The following MSRA variants were observed in gnomAD, a reference collection of about 807,000 sequenced individuals.
The protein encoded by MSRA is methionine sulfoxide reductase A.
MSRA carries 54 observed loss-of-function variants against 31.3 expected under a neutral mutation model. That is an observed-to-expected ratio of 1.73 (90% CI 1.39 to 2.17). MSRA has a LOEUF of 2.17. MSRA is among the 30% of genes most tolerant of loss of function. The pLI, the probability that MSRA is intolerant of heterozygous loss-of-function variation, is 0.00. For missense variants in MSRA, 507 were observed against 300.9 expected (o/e 1.69, Z -5.07); for synonymous variants, 169 against 116.5 (o/e 1.45, Z -2.90).
intron 5 of MSRA, among the ~76,000 whole-genome samples, chr8:10,331,502 G>A (rs991542129): frequency 6.6e-6 from 1 of 152,162 alleles, no homozygotes; most frequent in Non-Finnish European, 1.5e-5. Context: ...TTGCCTATGA[G>A]GAAACTGAAG....
chr8:10,147,092 A>C (rs1354700849), intron 1 of MSRA, among the ~76,000 whole-genome samples: 1 of 152,090 alleles, frequency 6.6e-6, no homozygotes, highest in African/African-American at 2.4e-5. Flanking sequence ...TCAGGTGACA[A>C]ATGTAAGGGA....
intron 3 of MSRA, among the ~76,000 whole-genome samples, chr8:10,278,351 A>T (rs971849961): frequency 3.3e-5 from 5 of 152,236 alleles, no homozygotes; most frequent in African/African-American, 1.2e-4. Flanking sequence ...CTGCCATCAC[A>T]AGTAGATCCA....
rs151254657 is a variant in MSRA at position 10,392,601 on chromosome 8, C to T, written c.544-35547C>T. Among the ~76,000 whole-genome samples, 22 of 152,084 alleles carry T rather than the reference C, an allele frequency of 1.4e-4. 1 individual carries two copies. Among genetic ancestry groups the T allele is most frequent in the African/African-American group, 3.4e-4 (14 of 41,476 alleles). On this transcript the variant is annotated intron_variant, in intron 5 of 5. Transcript: ENST00000317173. ...AGCCAAGCATACCCTGTCATTAAAC[C>T]GAATCTGGTGGTAAGGATGTCTTTA...
In MSRA at chr8:10,164,791, G is replaced by A. The variant is rs142260865; in HGVS notation, c.143-43042G>A. 5.3e-3 allele frequency among the ~76,000 whole-genome samples: 807 copies of A among 152,266 alleles called. 7 individuals carry two copies. The highest frequency in any genetic ancestry group is 0.018 in the African/African-American group (763 of 41,552). On this transcript the variant is annotated intron_variant, in intron 1 of 5. Transcript: ENST00000317173. ...CAAGCCTGTAATCCCAGCACTTTGGGAGACCTAGGCGGTGGATCACAAGGT... is the reference window on the plus strand; with the variant it reads ...CAAGCCTGTAATCCCAGCACTTTGGAAGACCTAGGCGGTGGATCACAAGGT...
At chr8:10,394,399 C>A (rs1411080210) in intron 5 of MSRA, among the ~76,000 whole-genome samples, 1 of 152,136 alleles carries the variant, frequency 6.6e-6, no homozygotes, top group East Asian at 1.9e-4. Context: ...TTATATAGTC[C>A]AATAAAGGGA....
At chr8:10,057,472 G>T (rs1802443051) in intron 1 of MSRA, among the ~76,000 whole-genome samples, 1 of 152,170 alleles carries the variant, frequency 6.6e-6, no homozygotes, top group South Asian at 2.1e-4. Context: ...TAAGATGTGG[G>T]TTCCTTACAG....
At chr8:10,328,952 T>C (rs1802535168) in intron 5 of MSRA, among the ~76,000 whole-genome samples, 1 of 152,160 alleles carries the variant, frequency 6.6e-6, no homozygotes. Flanking sequence ...TGCTGCCTGG[T>C]TGAGGCTATG....
intron 3 of MSRA, among the ~76,000 whole-genome samples, chr8:10,269,621 C>T (rs1183853933): frequency 6.6e-6 from 1 of 152,116 alleles, no homozygotes; most frequent in Non-Finnish European, 1.5e-5. Context: ...CTTACTCTCT[C>T]TTTTGGTTTT....
chr8:10,068,217 T>C (rs1797559341), intron 1 of MSRA, among the ~76,000 whole-genome samples: 4 of 152,198 alleles, frequency 2.6e-5, no homozygotes, highest in Admixed American at 2.6e-4. Flanking sequence ...TTGTATATTT[T>C]GGATATCCTT....
At chr8:10,099,477 A>G (rs986275583) in intron 1 of MSRA, among the ~76,000 whole-genome samples, 3 of 152,206 alleles carry the variant, frequency 2.0e-5, no homozygotes, top group Non-Finnish European at 2.9e-5. Flanking sequence ...AGGTTACCAA[A>G]TACCTTCGCC....
chr8:10,059,482 T>A (rs1802584368), intron 1 of MSRA, among the ~76,000 whole-genome samples: 1 of 152,250 alleles, frequency 6.6e-6, no homozygotes, highest in South Asian at 2.1e-4. Flanking sequence ...CCTTAACTCC[T>A]ATACTCTTTT....
chr8:10,181,006 C>T (rs1488358477), intron 1 of MSRA, among the ~76,000 whole-genome samples: 2 of 152,180 alleles, frequency 1.3e-5, no homozygotes, highest in Non-Finnish European at 2.9e-5. Flanking sequence ...CTGGACTTCT[C>T]TATCAAATCC....
At chr8:10,174,957 T>A (rs1805913827) in intron 1 of MSRA, among the ~76,000 whole-genome samples, 1 of 152,206 alleles carries the variant, frequency 6.6e-6, no homozygotes, top group Non-Finnish European at 1.5e-5. Flanking sequence ...CTTGCCCCTT[T>A]CCCTGTTAAT....
chr8:10,412,077 A>G (rs937691867), intron 5 of MSRA, among the ~76,000 whole-genome samples: 14 of 152,266 alleles, frequency 9.2e-5, no homozygotes, highest in Non-Finnish European at 2.1e-4. Flanking sequence ...TTTAGAATAT[A>G]TGATACTTTA....
chr8:10,160,355 C>T (rs952288552), intron 1 of MSRA, among the ~76,000 whole-genome samples: 3 of 151,950 alleles, frequency 2.0e-5, no homozygotes, highest in Admixed American at 6.6e-5. Flanking sequence ...ATTAGCCAGG[C>T]GTGGTGGTGG....
At chr8:10,168,071 T>TA (rs1462201307) in intron 1 of MSRA, among the ~76,000 whole-genome samples, 1 of 152,182 alleles carries the variant, frequency 6.6e-6, no homozygotes, top group Non-Finnish European at 1.5e-5. Flanking sequence ...CTATGTTACT[T>TA]ACTAGCTTTG....
chr8:10,167,338 A>G (rs1237668671), intron 1 of MSRA, among the ~76,000 whole-genome samples: 1 of 152,186 alleles, frequency 6.6e-6, no homozygotes, highest in African/African-American at 2.4e-5. Context: ...CAATCACATA[A>G]TGATCTTGGG....
At chr8:10,213,432 CT>C (rs1198665886) in intron 2 of MSRA, among the ~76,000 whole-genome samples, 1,620 of 76,742 alleles carry the variant, frequency 0.021, 10 homozygotes, top group African/African-American at 0.078. Flanking sequence ...ACCACACTTT[CT>C]TTTTTTTTTT....
At chr8:10,233,684 A>G (rs2952248) in intron 2 of MSRA, among the ~76,000 whole-genome samples, 9,690 of 152,304 alleles carry the variant, frequency 0.064, 320 homozygotes, top group African/African-American at 0.094. Context: ...GTTAAATGAC[A>G]CAGAGGATAA....
Sources: allele counts gnomAD v4.1 joint callset (sites outside exome capture counted in the v4.1 genomes callset), GRCh38; gene constraint gnomAD v4.1.1; transcripts MANE v1.5; gene names NCBI Gene and HGNC (gene_info 2026-07-23, HGNC 2026-07-21).